The following AHCYL2 variants were observed in gnomAD, a reference collection of about 807,000 sequenced individuals.
AHCYL2 encodes adenosylhomocysteinase like 2.
Under a neutral mutation model 81.4 loss-of-function variants are expected in AHCYL2, and 28 were observed. The observed-to-expected ratio is 0.34, with a 90% CI of 0.25 to 0.47. The LOEUF (loss-of-function observed/expected upper bound fraction) is 0.47, where lower values mean the gene tolerates loss of function less well. AHCYL2 is among the 20% of genes least tolerant of loss of function. The pLI is 1.00. For synonymous variants in AHCYL2, 272 were observed against 290.2 expected (o/e 0.94, Z 0.64); for missense variants, 551 against 785.1 (o/e 0.70, Z 3.56).
intron 10 of AHCYL2, among the ~76,000 whole-genome samples, chr7:129,408,274 G>A (rs1246637889): frequency 1.3e-5 from 2 of 152,204 alleles, no homozygotes; most frequent in African/African-American, 4.8e-5. Context: ...ATTGGGCCAG[G>A]GGTTACTATA....
At chr7:129,257,577 G>T (rs1795470977) in intron 1 of AHCYL2, among the ~76,000 whole-genome samples, 1 of 152,074 alleles carries the variant, frequency 6.6e-6, no homozygotes, top group African/African-American at 2.4e-5. Flanking sequence ...TTTGAAGGAT[G>T]GTACTTAATC....
chr7:129,328,151 G>C (rs116190962), intron 1 of AHCYL2, among the ~76,000 whole-genome samples: 35 of 152,054 alleles, frequency 2.3e-4, no homozygotes, highest in African/African-American at 8.4e-4. Flanking sequence ...CCTTTGGCTA[G>C]TTATGCTGCA....
At chr7:129,313,482 T>G (rs891348471) in intron 1 of AHCYL2, among the ~76,000 whole-genome samples, 1 of 152,202 alleles carries the variant, frequency 6.6e-6, no homozygotes, top group African/African-American at 2.4e-5. Context: ...TCAGCAGAAC[T>G]TAGCTCAGGT....
chr7:129,417,614 C>G (rs2150960119), intron 12 of AHCYL2, among the ~76,000 whole-genome samples: 1 of 152,252 alleles, frequency 6.6e-6, no homozygotes, highest in South Asian at 2.1e-4. Context: ...AGATATATAG[C>G]TAAGCTAAAT....
intron 1 of AHCYL2, among the ~76,000 whole-genome samples, chr7:129,333,683 C>T (rs1028203163): frequency 2.0e-5 from 3 of 152,154 alleles, no homozygotes; most frequent in Non-Finnish European, 4.4e-5. Flanking sequence ...GCATCAGATA[C>T]ACCAATCCTC....
rs747698876 is a variant in AHCYL2 at position 129,236,286 on chromosome 7, C to T, written c.363+10847C>T. Among the ~76,000 whole-genome samples, 6 of 151,900 alleles carry T rather than the reference C, an allele frequency of 3.9e-5. 1 individual carries two copies. The highest frequency in any genetic ancestry group is 2.0e-4 in the Admixed American group (3 of 15,238). On this transcript the variant is annotated intron_variant, in intron 1 of 16. Transcript: ENST00000325006. ...TGTGATCTCAGCTCACTGCAACCTC[C>T]GTCTTTCAGGTTCAAGCGATTCTCT...
chr7:129,259,593 G>A (rs1310647165), intron 1 of AHCYL2, among the ~76,000 whole-genome samples: 1 of 152,136 alleles, frequency 6.6e-6, no homozygotes, highest in Non-Finnish European at 1.5e-5. Flanking sequence ...TAACAACAAG[G>A]CTTGTAAGCG....
chr7:129,344,395 AT>A (rs1793289630), intron 1 of AHCYL2, among the ~76,000 whole-genome samples: 1 of 152,230 alleles, frequency 6.6e-6, no homozygotes, highest in African/African-American at 2.4e-5. Context: ...CACCCATGTA[AT>A]GTGCTATTCA....
chr7:129,288,108 T>C (rs1796702191), intron 1 of AHCYL2, among the ~76,000 whole-genome samples: 1 of 152,242 alleles, frequency 6.6e-6, no homozygotes, highest in African/African-American at 2.4e-5. Flanking sequence ...CATAAATGTA[T>C]ATTTTTTCAG....
intron 6 of AHCYL2, among the ~76,000 whole-genome samples, chr7:129,402,418 G>A (rs1796080227): frequency 1.3e-5 from 2 of 152,182 alleles, no homozygotes; most frequent in Admixed American, 1.3e-4. Flanking sequence ...GGCACTTATA[G>A]TAGAGTTGAT....
intron 10 of AHCYL2, among the ~76,000 whole-genome samples, chr7:129,409,269 T>C (rs1563242400): frequency 6.6e-6 from 1 of 152,216 alleles, no homozygotes; most frequent in Non-Finnish European, 1.5e-5. Flanking sequence ...GGCTCCCTAT[T>C]ATCAGGAAGA....
rs1375296560 is a variant in AHCYL2 at position 129,388,988 on chromosome 7, C to T, written c.476-68C>T. 2.5e-6 allele frequency: 4 copies of T among 1,581,422 alleles called. No homozygotes were observed. The African/African-American group carries it at 5.5e-5, about 22-fold the overall frequency. ...AGGTGGCTAGAGAAGCTTCAGTTTG[C>T]TCCATGGTTTGGAATTTTAGAGGAA... On this transcript the variant is annotated intron_variant, in intron 2 of 16. Transcript: ENST00000325006.
chr7:129,233,126 A>G (rs1794506900), intron 1 of AHCYL2, among the ~76,000 whole-genome samples: 1 of 152,218 alleles, frequency 6.6e-6, no homozygotes, highest in African/African-American at 2.4e-5. Flanking sequence ...TAGCAATGTT[A>G]TACATTTCTC....
rs143680789 is a variant in AHCYL2 at position 129,378,879 on chromosome 7, T to C, written c.364-759T>C. Among the ~76,000 whole-genome samples, 110 of 152,330 alleles carry C rather than the reference T, an allele frequency of 7.2e-4. 1 individual carries two copies. Among genetic ancestry groups the C allele is most frequent in the African/African-American group, 2.6e-3 (108 of 41,576 alleles). On this transcript the variant is annotated intron_variant, in intron 1 of 16. Transcript: ENST00000325006. ...TTCCAGTTTTACTTTTCAGTGAAACTGTATAAAATATTTCTGAATATGACT... is the reference window on the plus strand; with the variant it reads ...TTCCAGTTTTACTTTTCAGTGAAACCGTATAAAATATTTCTGAATATGACT...
intron 1 of AHCYL2, among the ~76,000 whole-genome samples, chr7:129,231,220 CAG>C (rs1041330627): frequency 2.6e-5 from 4 of 151,240 alleles, no homozygotes; most frequent in African/African-American, 9.7e-5. Context: ...AGCCTGGCGA[CAG>C]AATGAGACTC....
chr7:129,405,631 C>T, intron 8 of AHCYL2: 1 of 478,876 alleles, frequency 2.1e-6, no homozygotes. Flanking sequence ...AGAAACCAGA[C>T]TTTCAGTGTT....
In AHCYL2 at chr7:129,344,761, C is replaced by T. The variant is rs115773660; in HGVS notation, c.364-34877C>T. Among the ~76,000 whole-genome samples the T allele has an allele frequency of 5.1e-3, 773 of 152,132 alleles. 9 individuals are homozygous for T. The highest frequency in any genetic ancestry group is 0.018 in the African/African-American group (740 of 41,504). On this transcript the variant is annotated intron_variant, in intron 1 of 16. Transcript: ENST00000325006. The stretch of plus-strand genomic sequence containing the variant: ...AGTGGTGGGAGAGCTAAATAAGCTA[C>T]CAGGTCATGCGGAAAGAGTCCTTAA...
At chr7:129,294,826 TG>T (rs1797000081) in intron 1 of AHCYL2, among the ~76,000 whole-genome samples, 1 of 152,346 alleles carries the variant, frequency 6.6e-6, no homozygotes, top group East Asian at 1.9e-4. Context: ...ACGTGTACCC[TG>T]GATAAGTCAT....
intron 11 of AHCYL2, 25 bp downstream of exon 11, chr7:129,409,571 G>A (rs1796465200): frequency 6.4e-7 from 1 of 1,571,812 alleles, no homozygotes; most frequent in East Asian, 2.3e-5. Flanking sequence ...TTTTAAATGG[G>A]GTGGCACTTG....
Sources: gnomAD v4.1 joint callset for allele counts (sites outside exome capture counted in the v4.1 genomes callset) on GRCh38, gnomAD v4.1.1 for gene constraint, MANE v1.5 for transcripts, NCBI Gene and HGNC (gene_info 2026-07-23, HGNC 2026-07-21) for gene names.